SPINT4: variants seen among roughly 807,000 people sequenced by gnomAD.
SPINT4 encodes the protein kunitz-type protease inhibitor 4.
In SPINT4, 7 loss-of-function variants were observed where a neutral mutation model predicts 9.4. The ratio of observed to expected loss-of-function variants is 0.74; its 90% CI spans 0.42 to 1.40. The LOEUF (loss-of-function observed/expected upper bound fraction) is 1.40, where lower values mean the gene tolerates loss of function less well. Among genes scored for constraint, SPINT4 ranks in the 40% most tolerant of loss-of-function variants. The probability of loss-of-function intolerance (pLI) is 0.01; values close to 1 mark genes in which losing one functional copy is unlikely to be tolerated. For missense variants in SPINT4, 105 were observed against 114.4 expected, an observed-to-expected ratio of 0.92 and a Z score of 0.37; for synonymous variants, 36 against 39.9, an observed-to-expected ratio of 0.90 and a Z score of 0.37.
At position 45,724,003 on chromosome 20, in the gene SPINT4, A is replaced by C; in HGVS notation, c.239A>C (p.Asn80Thr). Reference protein sequence around the residue: ...VFSGCNGNLNNFKLKIEREVA... With the variant: ...VFSGCNGNLNTFKLKIEREVA... ...TCCGGCTGTAATGGCAACCTTAACA[A>C]CTTCAAGCTTAAAATAGAACGTGAA... is the stretch of plus-strand genomic sequence containing the variant. Residue 80 changes from asparagine (N) to threonine (T), a missense_variant, in exon 2 of 3, where the codon AAC (asparagine) becomes ACC (threonine). Coordinates refer to ENST00000279058, the MANE Select transcript of SPINT4 (RefSeq NM_178455.3). 6.2e-7 allele frequency: 1 copy of C among 1,610,854 alleles called. No homozygotes were observed. The highest frequency in any genetic ancestry group is 8.5e-7 in the Non-Finnish European group (1 of 1,179,116).
rs1454373714 is a variant in SPINT4, at chr20:45,725,695, T to C, written c.*60T>C. 4 of 1,600,364 alleles carry C rather than the reference T, an allele frequency of 2.5e-6. No individual in the cohort carries two copies. Among genetic ancestry groups the C allele is most frequent in the African/African-American group, 1.3e-5 (1 of 74,676 alleles). ...ATCCGAAATAAAGACACAAGAAAAT[T>C]CAGACTGATTTTGAAATCTTTGTAA... On this transcript the variant is annotated 3_prime_UTR_variant, in exon 3 of 3. Transcript: ENST00000279058.
rs767427944 is a variant in SPINT4, at chr20:45,724,084, C to T, written c.293+27C>T. 21 of 1,572,508 alleles carry T rather than the reference C, an allele frequency of 1.3e-5. No individual in the cohort carries two copies. The Admixed American group carries it at 4.1e-4, about 31-fold the overall frequency. On this transcript the variant is annotated intron_variant, in intron 2 of 2. Coordinates refer to ENST00000279058, the MANE Select transcript of SPINT4 (RefSeq NM_178455.3). Reference sequence around the variant, plus strand: ...TAAGGAATCTAATCCTGTCCTTGGTCCTTGGGGGTAGTAAAAGAAGAGGTT... The same window carrying T: ...TAAGGAATCTAATCCTGTCCTTGGTTCTTGGGGGTAGTAAAAGAAGAGGTT...
Position 45,723,963 on chromosome 20 carries a change from GAA to G in SPINT4, c.201_202del (p.Glu67AspfsTer8). The G allele has an allele frequency of 6.2e-7, 1 of 1,608,902 alleles. No individual in the cohort carries two copies. The highest frequency in any genetic ancestry group is 8.5e-7 in the Non-Finnish European group (1 of 1,178,618). ...YFYNRTSKRC[E>X]TFVFSGCNGN... The stretch of plus-strand genomic sequence containing the variant: ...CTACAACAGAACCTCCAAAAGATGT[GAA>G]ACTTTTGTCTTCTCCGGCTGTAATG... On this transcript the variant is annotated frameshift_variant, in exon 2 of 3. Coordinates refer to ENST00000279058, the MANE Select transcript of SPINT4 (RefSeq NM_178455.3). LOFTEE classifies it high-confidence loss of function.
intron 2 of SPINT4, among the ~76,000 whole-genome samples, chr20:45,725,116 A>C (rs1984917852): frequency 1.3e-5 from 2 of 150,200 alleles, no homozygotes; most frequent in South Asian, 4.2e-4. Context: ...ACATTATTAA[A>C]TGGCACAGCA....
intron 1 of SPINT4, among the ~76,000 whole-genome samples, chr20:45,723,543 G>A (rs1401477964): frequency 6.6e-6 from 1 of 152,110 alleles, no homozygotes; most frequent in African/African-American, 2.4e-5. Context: ...GGGGAAGCAG[G>A]AGGATACTGT....
At chr20:45,723,551 T>C (rs551636098) in intron 1 of SPINT4, among the ~76,000 whole-genome samples, 3 of 152,106 alleles carry the variant, frequency 2.0e-5, no homozygotes, top group African/African-American at 7.2e-5. Flanking sequence ...AGGAGGATAC[T>C]GTACTTTAAT....
intron 2 of SPINT4, 119 bp from the exon 3 acceptor site, chr20:45,725,510 T>C (rs1978355924): frequency 1.0e-6 from 1 of 991,272 alleles, no homozygotes; most frequent in Non-Finnish European, 1.6e-6. Flanking sequence ...AAGGGAAACA[T>C]TGAGATAGAA....
At chr20:45,725,590 T>A (rs1310791837) in intron 2 of SPINT4, 39 bp from the exon 3 acceptor site, 2 of 1,613,108 alleles carry the variant, frequency 1.2e-6, no homozygotes, top group Non-Finnish European at 1.7e-6. Flanking sequence ...CAAAAACCTG[T>A]AACACCGATT....
chr20:45,722,539 T>C, intron 1 of SPINT4, 57 bp downstream of exon 1: 1 of 1,306,510 alleles, frequency 7.7e-7, no homozygotes, highest in Non-Finnish European at 1.1e-6. Flanking sequence ...AGAGAGAAGG[T>C]ATTGGGAGAA....
At chr20:45,725,013 T>TATATATATACACATATATATATATACAC (rs1555809002) in intron 2 of SPINT4, among the ~76,000 whole-genome samples, 1 of 49,524 alleles carries the variant, frequency 2.0e-5, no homozygotes, top group Non-Finnish European at 3.3e-5. Flanking sequence ...TATATATATA[T>TATATATATACACATATATATATATACAC]ATATATATAT....
At position 45,724,886 on chromosome 20, in the gene SPINT4, A is replaced by C. The variant is rs1409000566; in HGVS notation, c.294-743A>C. Among the ~76,000 whole-genome samples, 3 of 146,008 alleles carry C rather than the reference A, an allele frequency of 2.1e-5. No individual in the cohort carries two copies. The South Asian group carries it at 6.6e-4, about 32-fold the overall frequency. On this transcript the variant is annotated intron_variant, in intron 2 of 2. Coordinates refer to ENST00000279058, the MANE Select transcript of SPINT4 (RefSeq NM_178455.3). ...TCCCAGCTACTCGGGAGGCTGAGGCAGGAGAATGGTGTGAACCCGGGAGGC... is the reference window on the plus strand; with the variant it reads ...TCCCAGCTACTCGGGAGGCTGAGGCCGGAGAATGGTGTGAACCCGGGAGGC...
chr20:45,723,247 T>C (rs1427813618), intron 1 of SPINT4, among the ~76,000 whole-genome samples: 1 of 152,136 alleles, frequency 6.6e-6, no homozygotes, highest in Non-Finnish European at 1.5e-5. Flanking sequence ...ACAACCATGA[T>C]TGTGGCTGTT....
intron 2 of SPINT4, among the ~76,000 whole-genome samples, chr20:45,725,011 T>TACAC (rs1465626978): frequency 1.9e-4 from 9 of 47,722 alleles, no homozygotes; most frequent in African/African-American, 1.6e-3. Context: ...TATATATATA[T>TACAC]ATATATATAT....
rs1051510284 is a variant in SPINT4 at position 45,722,474 on chromosome 20, A to T, written c.107A>T (p.Asp36Val). The change falls in exon 1 of 3, where the codon GAC (aspartate) becomes GTC (valine). Residue 36 changes from aspartate to valine, a missense_variant. Asp to Val is a radical substitution (Grantham distance 152). Coordinates refer to ENST00000279058, the MANE Select transcript of SPINT4 (RefSeq NM_178455.3). ...AAAATTGCGGAGAAGATATGTGGAG[A>T]CCTCAAAGGTATGAAGCTAAGGCAG... Reference protein sequence around the residue: ...VNKIAEKICGDLKDPCKLDMN... With the variant: ...VNKIAEKICGVLKDPCKLDMN... 6.2e-7 allele frequency: 1 copy of T among 1,604,420 alleles called. No individual in the cohort carries two copies. The highest frequency in any genetic ancestry group is 1.7e-5 in the Admixed American group (1 of 59,968).
In SPINT4 at chr20:45,724,053, C is replaced by T; in HGVS notation, c.289C>T (p.Pro97Ser). 6.2e-7 allele frequency: 1 copy of T among 1,606,532 alleles called. No homozygotes were observed. The highest frequency in any genetic ancestry group is 8.5e-7 in the Non-Finnish European group (1 of 1,177,790). Residue 97 changes from proline to serine, a missense_variant, in exon 2 of 3, where the codon CCA becomes TCA. Pro to Ser is a moderately conservative substitution (Grantham distance 74). Transcript: ENST00000279058. ...REVACVAKYK[P>S]PR ...AGTAGCCTGTGTTGCAAAATACAAA[C>T]CACCGTAAGGAATCTAATCCTGTCC...
intron 1 of SPINT4, 107 bp from the exon 2 acceptor site, chr20:45,723,773 A>C: frequency 1.1e-6 from 1 of 896,654 alleles, no homozygotes; most frequent in Non-Finnish European, 1.7e-6. Context: ...CTTGAATATG[A>C]GAATAGTTCC....
Position 45,725,637 on chromosome 20 carries a change from A to C in SPINT4, c.*2A>C, listed in dbSNP as rs1263265102. On this transcript the variant is annotated 3_prime_UTR_variant, in exon 3 of 3. Coordinates refer to ENST00000279058, the MANE Select transcript of SPINT4 (RefSeq NM_178455.3). ...TTCCTTTGCTTAAACAGGAGGTGAG[A>C]GGATGTGAACTCATGAAGTTGTCTG... 1 of 1,613,846 alleles carries C rather than the reference A, an allele frequency of 6.2e-7. No individual in the cohort carries two copies. Among genetic ancestry groups the C allele is most frequent in the Non-Finnish European group, 8.5e-7 (1 of 1,179,754 alleles).
intron 2 of SPINT4, 63 bp from the exon 3 acceptor site, chr20:45,725,566 T>C (rs966311585): frequency 6.3e-7 from 1 of 1,595,646 alleles, no homozygotes; most frequent in Admixed American, 1.7e-5. Flanking sequence ...CCTGCATTAA[T>C]CCAGGGAGAC....
At chr20:45,723,291 A>C (rs905937975) in intron 1 of SPINT4, among the ~76,000 whole-genome samples, 1 of 152,094 alleles carries the variant, frequency 6.6e-6, no homozygotes, top group Non-Finnish European at 1.5e-5. Context: ...TAACAATAAA[A>C]ACAGAGGGTT....
Sources: allele counts gnomAD v4.1 joint callset (sites outside exome capture counted in the v4.1 genomes callset), GRCh38; gene constraint gnomAD v4.1.1; transcripts MANE v1.5; gene names NCBI Gene and HGNC (gene_info 2026-07-23, HGNC 2026-07-21).